Variants in KSR2 observed in about 807,000 individuals in gnomAD.
The protein encoded by KSR2 is kinase suppressor of ras 2.
In KSR2, 25 loss-of-function variants were observed where a neutral mutation model predicts 107.8. The observed-to-expected ratio is 0.23, with a 90% CI of 0.17 to 0.32. The LOEUF is 0.32. Among genes scored for constraint, KSR2 ranks in the 10% least tolerant of loss-of-function variants. The probability of loss-of-function intolerance (pLI) is 1.00; values close to 1 mark genes in which losing one functional copy is unlikely to be tolerated. For missense variants in KSR2, 887 were observed against 1,268.9 expected (o/e 0.70, Z 4.57); for synonymous variants, 480 against 507.0 (o/e 0.95, Z 0.71).
intron 4 of KSR2, among the ~76,000 whole-genome samples, chr12:117,693,171 C>T (rs1041356989): frequency 2.0e-5 from 3 of 152,116 alleles, no homozygotes; most frequent in Non-Finnish European, 4.4e-5. Context: ...TTACCACCAA[C>T]CCACCACCCC....
At chr12:117,481,375 C>T (rs978881404) in intron 16 of KSR2, among the ~76,000 whole-genome samples, 1 of 152,036 alleles carries the variant, frequency 6.6e-6, no homozygotes, top group African/African-American at 2.4e-5. Context: ...ATTGTAAGTT[C>T]GAGGCCCTAA....
intron 5 of KSR2, among the ~76,000 whole-genome samples, chr12:117,619,002 A>G (rs961590827): frequency 2.6e-5 from 4 of 152,234 alleles, no homozygotes; most frequent in African/African-American, 9.6e-5. Flanking sequence ...ACAGCAAAAC[A>G]ACTCACCATT....
At chr12:117,924,282 T>A (rs1201646898) in intron 1 of KSR2, among the ~76,000 whole-genome samples, 1 of 150,110 alleles carries the variant, frequency 6.7e-6, no homozygotes, top group African/African-American at 2.4e-5. Flanking sequence ...AGAAAAAAAA[T>A]TTAGGCCAGG....
intron 4 of KSR2, among the ~76,000 whole-genome samples, chr12:117,734,753 C>CATGGATGGATGGATGGATGGATGG: frequency 6.8e-6 from 1 of 148,048 alleles, no homozygotes; most frequent in East Asian, 2.1e-4. Flanking sequence ...TGCATGCATG[C>CATGGATGGATGGATGGATGGATGG]ATGGATGGAT....
chr12:117,642,020 TC>T (rs544572117), intron 5 of KSR2, among the ~76,000 whole-genome samples: 1 of 152,210 alleles, frequency 6.6e-6, no homozygotes, highest in South Asian at 2.1e-4. Flanking sequence ...TTCCATCCCA[TC>T]CCCGTTCATC....
At chr12:117,826,824 C>G (rs1219889055) in intron 3 of KSR2, among the ~76,000 whole-genome samples, 1 of 152,000 alleles carries the variant, frequency 6.6e-6, no homozygotes, top group Non-Finnish European at 1.5e-5. Flanking sequence ...GTGGCTCATG[C>G]CTGTAATCCC....
At chr12:117,634,852 GGCAGACC>G (rs1307719310) in intron 5 of KSR2, among the ~76,000 whole-genome samples, 1 of 152,200 alleles carries the variant, frequency 6.6e-6, no homozygotes, top group African/African-American at 2.4e-5. Context: ...GGGTCCAGAA[GGCAGACC>G]CTCTGGCCAC....
intron 1 of KSR2, among the ~76,000 whole-genome samples, chr12:117,965,725 C>G (rs1203914999): frequency 3.9e-5 from 6 of 152,136 alleles, no homozygotes; most frequent in Non-Finnish European, 8.8e-5. Context: ...TCAGAAATAC[C>G]TGGACTGTTT....
intron 5 of KSR2, among the ~76,000 whole-genome samples, chr12:117,605,559 CT>C (rs902198274): frequency 7.9e-5 from 12 of 152,260 alleles, no homozygotes; most frequent in African/African-American, 2.9e-4. Flanking sequence ...CCACCCTCCC[CT>C]GACAGGCCCC....
chr12:117,802,764 T>C (rs1890878346), intron 3 of KSR2, among the ~76,000 whole-genome samples: 1 of 152,214 alleles, frequency 6.6e-6, no homozygotes, highest in Non-Finnish European at 1.5e-5. Flanking sequence ...GTGGAATCTT[T>C]GGAATCAGGG....
chr12:117,747,809 A>G (rs1229542329), intron 4 of KSR2, among the ~76,000 whole-genome samples: 1 of 152,174 alleles, frequency 6.6e-6, no homozygotes, highest in African/African-American at 2.4e-5. Context: ...TTACCAAGTC[A>G]TAGAGAGGAT....
chr12:117,572,715 A>AAG (rs1210882605), intron 7 of KSR2, among the ~76,000 whole-genome samples: 1 of 151,630 alleles, frequency 6.6e-6, no homozygotes, highest in African/African-American at 2.4e-5. Flanking sequence ...AAAAAAAAAA[A>AAG]AGAGAAAAGA....
intron 5 of KSR2, among the ~76,000 whole-genome samples, chr12:117,629,189 C>T (rs1361503471): frequency 6.6e-6 from 1 of 152,216 alleles, no homozygotes; most frequent in Non-Finnish European, 1.5e-5. Flanking sequence ...TGCTTTGGCT[C>T]ACCCTCCATG....
intron 3 of KSR2, among the ~76,000 whole-genome samples, chr12:117,800,439 G>A (rs934883575): frequency 4.6e-5 from 7 of 152,082 alleles, no homozygotes; most frequent in African/African-American, 1.7e-4. Context: ...TATCCCCTGG[G>A]GAAAAGAAGC....
At chr12:117,966,305 C>CT (rs1382790125) in intron 1 of KSR2, among the ~76,000 whole-genome samples, 2 of 152,088 alleles carry the variant, frequency 1.3e-5, no homozygotes, top group Non-Finnish European at 2.9e-5. Flanking sequence ...GCTCAGGTGG[C>CT]TTTTTTGGGG....
intron 5 of KSR2, among the ~76,000 whole-genome samples, chr12:117,644,942 C>T (rs1883548245): frequency 6.6e-6 from 1 of 152,158 alleles, no homozygotes; most frequent in South Asian, 2.1e-4. Context: ...CTTTGGAAAT[C>T]CACTCCGCTT....
In KSR2 at chr12:117,525,101, T is replaced by C; in HGVS notation, c.1970A>G (p.Gln657Arg). Residue 657 changes from glutamine to arginine, a missense_variant, in exon 14 of 20, where the codon CAG becomes CGG. Transcript: ENST00000339824. Reference sequence around the variant, plus strand: ...CTGCTCAAAGGGGATGTCCCACTCCTGAAGGAAGATGCTGGTCTGGCTGGC... The same window carrying C: ...CTGCTCAAAGGGGATGTCCCACTCCCGAAGGAAGATGCTGGTCTGGCTGGC... ...RKASQTSIFL[Q>R]EWDIPFEQLE... 6.2e-7 allele frequency: 1 copy of C among 1,613,982 alleles called. No homozygotes were observed.
intron 3 of KSR2, among the ~76,000 whole-genome samples, chr12:117,834,857 T>C (rs1892133536): frequency 6.6e-6 from 1 of 152,166 alleles, no homozygotes; most frequent in African/African-American, 2.4e-5. Context: ...AAGGTGGGAA[T>C]TAATTTTTTT....
intron 14 of KSR2, among the ~76,000 whole-genome samples, chr12:117,487,588 G>T (rs7133582): frequency 0.38 from 57,396 of 151,928 alleles, 11,416 homozygotes; most frequent in South Asian, 0.57. Context: ...TGTGGGCAGA[G>T]TCCCTCCCCT....
Sources: allele counts gnomAD v4.1 joint callset (sites outside exome capture counted in the v4.1 genomes callset), GRCh38; gene constraint gnomAD v4.1.1; transcripts MANE v1.5; gene names NCBI Gene and HGNC (gene_info 2026-07-23, HGNC 2026-07-21).